Variants in ZRANB2 observed in about 807,000 individuals in gnomAD.
The protein encoded by ZRANB2 is zinc finger Ran-binding domain-containing protein 2.
Under a neutral mutation model 53.4 loss-of-function variants are expected in ZRANB2, and 19 were observed. The observed-to-expected ratio is 0.36, with a 90% CI of 0.25 to 0.52. ZRANB2 has a LOEUF of 0.52. Ranked by LOEUF, ZRANB2 falls within the 20% of genes least tolerant of loss-of-function variation. ZRANB2 has a pLI of 0.93. For synonymous variants in ZRANB2, 145 were observed against 134.8 expected, an observed-to-expected ratio of 1.08 and a Z score of -0.52; for missense variants, 309 against 401.1, an observed-to-expected ratio of 0.77 and a Z score of 1.96.
At chr1:71,069,854 T>C (rs1573053838) in intron 7 of ZRANB2, among the ~76,000 whole-genome samples, 1 of 152,288 alleles carries the variant, frequency 6.6e-6, no homozygotes, top group African/African-American at 2.4e-5. Context: ...AGGGAAAATG[T>C]ATAATTCTGT....
chr1:71,078,407 C>T (rs1301015491), intron 3 of ZRANB2, 50 bp downstream of exon 3: 3 of 1,501,532 alleles, frequency 2.0e-6, no homozygotes, highest in African/African-American at 2.8e-5. Flanking sequence ...AAGTAGTGGC[C>T]AGATCTATTA....
chr1:71,077,737 T>C lies in ZRANB2; in HGVS notation c.218+720A>G, dbSNP rs572901607. Reference sequence around the variant, plus strand: ...CAGGCATGGTGGCATGGGCCTGTGGTCCCAGTTACTAAGGAGGCTGAAGTG... The same window carrying C: ...CAGGCATGGTGGCATGGGCCTGTGGCCCCAGTTACTAAGGAGGCTGAAGTG... On this transcript the variant is annotated intron_variant, in intron 3 of 9. Coordinates refer to ENST00000370920, the MANE Select transcript of ZRANB2 (RefSeq NM_203350.3). Among the ~76,000 whole-genome samples, 18 of 152,238 alleles carry C rather than the reference T, an allele frequency of 1.2e-4. No individual in the cohort carries two copies. In the South Asian group the frequency reaches 3.3e-3, roughly 28 times the overall value.
At chr1:71,068,378 A>G (rs1661506767) in intron 8 of ZRANB2, among the ~76,000 whole-genome samples, 2 of 152,206 alleles carry the variant, frequency 1.3e-5, no homozygotes, top group South Asian at 4.1e-4. Context: ...AGGTCATAAT[A>G]AATTAACTTA....
chr1:71,078,797 A>T, intron 1 of ZRANB2, 89 bp from the exon 2 acceptor site: 1 of 1,108,272 alleles, frequency 9.0e-7, no homozygotes, highest in South Asian at 1.4e-5. Flanking sequence ...TGGAATTCAT[A>T]ACTTCTAATC....
In ZRANB2 at chr1:71,066,992, A is replaced by G. The variant is rs867810611; in HGVS notation, c.771-58T>C. ...ATTAAAAGAAGAAATAAGGAAGATT[A>G]TTTAGTTATCAGATAGCTCCAAAAA... On this transcript the variant is annotated intron_variant, in intron 8 of 9. Transcript: ENST00000370920. 26 of 1,487,118 alleles carry G rather than the reference A, an allele frequency of 1.7e-5. No individual in the cohort carries two copies. The South Asian group carries it at 2.8e-4, about 16-fold the overall frequency. The allele number at this position is 1,487,118 out of a possible 1,614,324, so 92.1% of individuals were successfully genotyped here.
intron 8 of ZRANB2, 76 bp downstream of exon 8, chr1:71,069,200 A>G (rs567716725): frequency 1.1e-5 from 13 of 1,203,258 alleles, no homozygotes; most frequent in East Asian, 5.2e-5. Context: ...AAATAAGGGG[A>G]AAAAAAGCAG....
chr1:71,063,545 A>C lies in ZRANB2; in HGVS notation c.*1529T>G, dbSNP rs554842293. The C allele has an allele frequency of 6.6e-5, 10 of 152,572 alleles. No homozygotes were observed. The South Asian group carries it at 2.1e-3, about 32-fold the overall frequency. 9.5% of individuals were successfully genotyped at this position (152,572 alleles called of 1,614,324 possible). On this transcript the variant is annotated 3_prime_UTR_variant, in exon 10 of 10. Coordinates refer to ENST00000370920, the MANE Select transcript of ZRANB2 (RefSeq NM_203350.3). ...GAATAAACCAATGGTAACATGTAGA[A>C]TCTAGATCGTCGGGGCAATTTAGAA...
At position 71,069,323 on chromosome 1, in the gene ZRANB2, A is replaced by G; in HGVS notation, c.723T>C (p.Ser241=). 6.2e-7 allele frequency: 1 copy of G among 1,613,072 alleles called. No homozygotes were observed. The highest frequency in any genetic ancestry group is 8.5e-7 in the Non-Finnish European group (1 of 1,179,426). The change falls in exon 8 of 10, where the codon TCT becomes TCC. Residue 241 remains serine (S), a synonymous_variant. Transcript: ENST00000370920. ...TCGAACGTTCTCTGGAACTGGAACG[A>G]GATCTTGACTGCGAACTGGAAGAAC... ...SRSSSSSQSR[S]RSSSRERSRS... is the part of the protein sequence containing the mutation.
At chr1:71,068,573 T>C (rs1365084421) in intron 8 of ZRANB2, among the ~76,000 whole-genome samples, 1 of 152,152 alleles carries the variant, frequency 6.6e-6, no homozygotes, top group Non-Finnish European at 1.5e-5. Context: ...TTGAGTGTTT[T>C]GTGCTCTATA....
intron 7 of ZRANB2, 51 bp downstream of exon 7, chr1:71,070,776 G>A: frequency 1.8e-6 from 2 of 1,108,922 alleles, no homozygotes; most frequent in Non-Finnish European, 2.4e-6. Flanking sequence ...AAATAAAAAA[G>A]TTAGATACTG....
chr1:71,076,094 A>C (rs1267522138), intron 4 of ZRANB2, among the ~76,000 whole-genome samples: 1 of 152,178 alleles, frequency 6.6e-6, no homozygotes, highest in Non-Finnish European at 1.5e-5. Flanking sequence ...ATATAGAAGG[A>C]ATCCTTTGAT....
At chr1:71,066,671 C>G in intron 9 of ZRANB2, 105 bp downstream of exon 9, 6 of 1,206,434 alleles carry the variant, frequency 5.0e-6, no homozygotes, top group Non-Finnish European at 5.8e-6. Flanking sequence ...AGTAGAAAGT[C>G]GGAACACAAG....
At chr1:71,071,338 A>G (rs1661589918) in intron 6 of ZRANB2, among the ~76,000 whole-genome samples, 1 of 152,040 alleles carries the variant, frequency 6.6e-6, no homozygotes, top group South Asian at 2.1e-4. Flanking sequence ...TATTATAGTA[A>G]CCTCTTAGCT....
Position 71,065,118 on chromosome 1 carries a change from C to A in ZRANB2, c.949G>T (p.Gly317Ter). 1 of 1,611,262 alleles carries A rather than the reference C, an allele frequency of 6.2e-7. No homozygotes were observed. Among genetic ancestry groups the A allele is most frequent in the Non-Finnish European group, 8.5e-7 (1 of 1,178,328 alleles). The change falls in exon 10 of 10, where the codon GGA becomes TGA. Residue 317 changes from glycine (G) to a stop codon, truncating the protein, a stop_gained. Coordinates refer to ENST00000370920, the MANE Select transcript of ZRANB2 (RefSeq NM_203350.3). LOFTEE classifies it high-confidence loss of function. ...GAACGGGAACCAGAATGGGATGATC[C>A]AGATGATGACCTGTGGCGTCTGTAA... is the stretch of plus-strand genomic sequence containing the variant. ...SPERRHRSSS[G>*]SSHSGSRSSS...
chr1:71,078,385 T>A, intron 3 of ZRANB2, 72 bp downstream of exon 3: 1 of 1,285,264 alleles, frequency 7.8e-7, no homozygotes, highest in South Asian at 1.3e-5. Flanking sequence ...TAATAAGAGC[T>A]GTAATATAAA....
chr1:71,080,507 T>G (rs1437922197), intron 1 of ZRANB2, among the ~76,000 whole-genome samples: 1 of 152,090 alleles, frequency 6.6e-6, no homozygotes, highest in Non-Finnish European at 1.5e-5. Flanking sequence ...AGGTGAACTA[T>G]AAGAGGCAAA....
intron 4 of ZRANB2, among the ~76,000 whole-genome samples, chr1:71,075,843 A>AG (rs967569065): frequency 2.2e-4 from 33 of 147,552 alleles, no homozygotes; most frequent in African/African-American, 7.8e-4. Context: ...GGGCTGGGGA[A>AG]GGGGGGATCA....
At chr1:71,067,754 G>T (rs1326556504) in intron 8 of ZRANB2, 1 of 393,724 alleles carries the variant, frequency 2.5e-6, no homozygotes, top group Admixed American at 4.4e-5. Flanking sequence ...TGGGTGTTCT[G>T]TAAACCTTAA....
At chr1:71,074,122 T>A (rs1297700074) in intron 4 of ZRANB2, among the ~76,000 whole-genome samples, 2 of 152,174 alleles carry the variant, frequency 1.3e-5, no homozygotes, top group Non-Finnish European at 2.9e-5. Context: ...AACTCATCTT[T>A]CACTTCTTAG....
Sources: allele counts gnomAD v4.1 joint callset (sites outside exome capture counted in the v4.1 genomes callset), GRCh38; gene constraint gnomAD v4.1.1; transcripts MANE v1.5; gene names NCBI Gene and HGNC (gene_info 2026-07-23, HGNC 2026-07-21).